The following RPS6KC1 variants were observed in gnomAD, a reference collection of about 807,000 sequenced individuals.
The protein encoded by RPS6KC1 is ribosomal protein S6 kinase C1, also known as inactive ribosomal protein S6 kinase delta-1.
In RPS6KC1, 54 loss-of-function variants were observed where a neutral mutation model predicts 103.8. That is an observed-to-expected ratio of 0.52 (90% confidence interval 0.42 to 0.65). RPS6KC1 has a LOEUF of 0.65. RPS6KC1 is among the 30% of genes least tolerant of loss of function. RPS6KC1 has a pLI of 0.00. For synonymous variants in RPS6KC1, 439 were observed against 438.7 expected (o/e 1.00, Z -0.01); for missense variants, 1,151 against 1,253.8 (o/e 0.92, Z 1.24).
chr1:213,657,716 G>A, the RPS6KC1 span, among the ~76,000 whole-genome samples: 144 of 152,246 alleles, frequency 9.5e-4, 1 homozygote, highest in Middle Eastern at 3.4e-3. Context: ...AACTTTTGGG[G>A]GAAAAACAGT....
chr1:213,810,983 T>A, the RPS6KC1 span, among the ~76,000 whole-genome samples: 4 of 152,180 alleles, frequency 2.6e-5, no homozygotes, highest in Non-Finnish European at 5.9e-5. Context: ...AGAATGGGAT[T>A]CCTATGACCA....
chr1:213,507,613 C>A, the RPS6KC1 span, among the ~76,000 whole-genome samples: 1 of 151,520 alleles, frequency 6.6e-6, no homozygotes, highest in African/African-American at 2.4e-5. Context: ...TCCCATCCAC[C>A]GCTCAGAGCC....
the RPS6KC1 span, among the ~76,000 whole-genome samples, chr1:213,742,831 A>G: frequency 1.5e-4 from 23 of 152,346 alleles, no homozygotes; most frequent in Middle Eastern, 3.4e-3. Flanking sequence ...AGGATTCTCC[A>G]TGTTGGTAAA....
chr1:213,612,037 G>A, the RPS6KC1 span, among the ~76,000 whole-genome samples: 1 of 152,148 alleles, frequency 6.6e-6, no homozygotes, highest in Non-Finnish European at 1.5e-5. Flanking sequence ...TGTCCTTAAG[G>A]TGCTCTCAGC....
At chr1:213,487,387 C>T in the RPS6KC1 span, among the ~76,000 whole-genome samples, 1 of 152,108 alleles carries the variant, frequency 6.6e-6, no homozygotes, top group African/African-American at 2.4e-5. Context: ...CAAAGTGAGA[C>T]CCTGTCTCAA....
At chr1:213,832,236 GA>G in the RPS6KC1 span, among the ~76,000 whole-genome samples, 1 of 152,182 alleles carries the variant, frequency 6.6e-6, no homozygotes, top group East Asian at 1.9e-4. Context: ...TTAGGGGGAA[GA>G]AGCCTTAATT....
the RPS6KC1 span, among the ~76,000 whole-genome samples, chr1:213,431,448 A>C: frequency 6.6e-6 from 1 of 152,052 alleles, no homozygotes; most frequent in African/African-American, 2.4e-5. Context: ...ACTCCCTCTT[A>C]CCCTTTCTGG....
chr1:213,428,476 CCCTCCCTTCCTTCCTTCCTT>C, the RPS6KC1 span, among the ~76,000 whole-genome samples: 6 of 30,674 alleles, frequency 2.0e-4, no homozygotes, highest in African/African-American at 8.9e-4. Flanking sequence ...CTCCCTCCCT[CCCTCCCTTCCTTCCTTCCTT>C]CCTTCCTTCC....
the RPS6KC1 span, among the ~76,000 whole-genome samples, chr1:213,634,102 A>G: frequency 0.017 from 2,587 of 152,116 alleles, 92 homozygotes; most frequent in African/African-American, 0.059. Context: ...AACTACAAAG[A>G]GACTTAGACT....
chr1:213,086,719 C>CT, intron 3 of RPS6KC1, among the ~76,000 whole-genome samples: 1 of 152,234 alleles, frequency 6.6e-6, no homozygotes, highest in Non-Finnish European at 1.5e-5. Context: ...TACATCTAAG[C>CT]TTTTTTCAAC....
chr1:213,109,617 A>G (rs1030171138), intron 4 of RPS6KC1, among the ~76,000 whole-genome samples: 1 of 152,104 alleles, frequency 6.6e-6, no homozygotes, highest in Non-Finnish European at 1.5e-5. Context: ...ATGCATCAGT[A>G]CTTTATCCAT....
At chr1:213,590,593 G>A in the RPS6KC1 span, among the ~76,000 whole-genome samples, 14 of 152,172 alleles carry the variant, frequency 9.2e-5, no homozygotes, top group Non-Finnish European at 1.9e-4. Context: ...CTTCTGAGAT[G>A]TCCTGAGTTG....
At chr1:213,602,120 CTCTT>C in the RPS6KC1 span, among the ~76,000 whole-genome samples, 98 of 5,102 alleles carry the variant, frequency 0.019, 5 homozygotes, top group Middle Eastern at 0.17. Flanking sequence ...TTCTTTCTTT[CTCTT>C]TCTTTCTTTC....
At chr1:213,068,488 A>G in intron 1 of RPS6KC1, among the ~76,000 whole-genome samples, 1 of 148,082 alleles carries the variant, frequency 6.8e-6, no homozygotes, top group Non-Finnish European at 1.5e-5. Flanking sequence ...TGTCTCAAAA[A>G]AAAAAAAAAA....
the RPS6KC1 span, among the ~76,000 whole-genome samples, chr1:213,395,654 T>C: frequency 6.6e-6 from 1 of 152,232 alleles, no homozygotes; most frequent in Admixed American, 6.5e-5. Context: ...GTGTAAATAC[T>C]CTCTCACCAT....
At chr1:213,787,229 T>C in the RPS6KC1 span, among the ~76,000 whole-genome samples, 52 of 152,276 alleles carry the variant, frequency 3.4e-4, no homozygotes, top group African/African-American at 1.3e-3. Context: ...ATTCCTTGAC[T>C]TTATGAAGCT....
the RPS6KC1 span, among the ~76,000 whole-genome samples, chr1:213,720,481 G>C: frequency 6.6e-6 from 1 of 152,172 alleles, no homozygotes; most frequent in African/African-American, 2.4e-5. Context: ...ATTCATTCAT[G>C]TGCTGTCCAG....
the RPS6KC1 span, among the ~76,000 whole-genome samples, chr1:213,469,598 C>T: frequency 6.6e-6 from 1 of 152,154 alleles, no homozygotes; most frequent in East Asian, 1.9e-4. Context: ...TCCAATGTCA[C>T]ACCCCAGGCT....
chr1:213,142,613 AG>A (rs1354369933), intron 6 of RPS6KC1, among the ~76,000 whole-genome samples: 2 of 152,014 alleles, frequency 1.3e-5, no homozygotes, highest in Non-Finnish European at 2.9e-5. Flanking sequence ...TTGGTTTCAC[AG>A]GGTTGCAAAG....
Sources: allele counts gnomAD v4.1 joint callset (sites outside exome capture counted in the v4.1 genomes callset), GRCh38; gene constraint gnomAD v4.1.1; transcripts MANE v1.5; gene names NCBI Gene and HGNC (gene_info 2026-07-23, HGNC 2026-07-21).